RNF213: variants seen among roughly 807,000 people sequenced by gnomAD.
The protein encoded by RNF213 is E3 ubiquitin-protein ligase RNF213.
RNF213 carries 341 observed loss-of-function variants against 514.4 expected under a neutral mutation model. The observed-to-expected ratio is 0.66, with a 90% CI of 0.61 to 0.73. RNF213 has a LOEUF of 0.73. Among genes scored for constraint, RNF213 ranks in the 30% least tolerant of loss-of-function variants. RNF213 has a pLI of 0.00. For synonymous variants in RNF213, 2,655 were observed against 2,658.2 expected (o/e 1.00, Z 0.04); for missense variants, 5,767 against 6,615.6 (o/e 0.87, Z 4.45).
chr17:80,288,053 C>A lies in RNF213; in HGVS notation c.500C>A (p.Thr167Asn). Reference sequence around the variant, plus strand: ...GAGGGTGACGGCCTCTCCGCGCCCACCGAGGTTGGCGACAGCCCCCTGCAG... The same window carrying A: ...GAGGGTGACGGCCTCTCCGCGCCCAACGAGGTTGGCGACAGCCCCCTGCAG... ...PLEGDGLSAP[T>N]EVGDSPLQAQ... The change falls in exon 4 of 68, where the codon ACC becomes AAC. Residue 167 changes from threonine to asparagine, a missense_variant. Coordinates refer to ENST00000582970, the MANE Select transcript of RNF213 (RefSeq NM_001256071.3). This position sits in a 1 kb window ranked among gnomAD's most constrained non-coding sequence, Gnocchi z 4.9. 1 of 1,606,926 alleles carries A rather than the reference C, an allele frequency of 6.2e-7. No homozygotes were observed.
chr17:80,334,906 A>G (rs899527282), intron 22 of RNF213, among the ~76,000 whole-genome samples: 4 of 148,332 alleles, frequency 2.7e-5, no homozygotes, highest in African/African-American at 5.0e-5. Context: ...GATTACAGGC[A>G]TGAGCCACTG....
In RNF213 at chr17:80,380,765, G is replaced by A. The variant is rs200131626; in HGVS notation, c.13641-66G>A. The A allele has an allele frequency of 1.4e-4, 221 of 1,591,184 alleles. 1 individual carries two copies. Among genetic ancestry groups the A allele is most frequent in the Admixed American group, 5.8e-4 (35 of 59,986 alleles). On this transcript the variant is annotated intron_variant, in intron 55 of 67. Coordinates refer to ENST00000582970, the MANE Select transcript of RNF213 (RefSeq NM_001256071.3). ...AGCCGTAAGCCTCACTCCAAGTGCTGAGAAAGTGCAGCGTGCCAAAGCGGC... is the reference window on the plus strand; with the variant it reads ...AGCCGTAAGCCTCACTCCAAGTGCTAAGAAAGTGCAGCGTGCCAAAGCGGC...
chr17:80,285,406 G>A (rs1054416891), intron 3 of RNF213, among the ~76,000 whole-genome samples: 1 of 152,196 alleles, frequency 6.6e-6, no homozygotes, highest in Non-Finnish European at 1.5e-5. Flanking sequence ...GGGCAGGGAC[G>A]GCGTCATCGC....
rs114393774 is a variant in RNF213, at chr17:80,263,549, G to T, written c.-108-25G>T. The stretch of plus-strand genomic sequence containing the variant: ...TTTCCATTAACCAGGGGACCAGCTG[G>T]GCTGCTGTGATTTCACTTTCGCAGA... On this transcript the variant is annotated intron_variant, in intron 1 of 67. Transcript: ENST00000582970. The surrounding 1 kb of genome is among the most constrained non-coding windows in gnomAD (Gnocchi z 4.9). The T allele has an allele frequency of 2.0e-3, 1,529 of 780,712 alleles. 14 individuals are homozygous for T. In the African/African-American group the frequency reaches 0.023, roughly 12 times the overall value. 48.4% of individuals were successfully genotyped at this position (780,712 alleles called of 1,614,324 possible).
chr17:80,348,233 C>T lies in RNF213; in HGVS notation c.9898C>T (p.Leu3300Phe). Residue 3300 changes from leucine to phenylalanine, a missense_variant, in exon 29 of 68, where the codon CTT becomes TTT. Transcript: ENST00000582970. ...GAGGCACAACTCCTTTGCAGATTTC[C>T]TTCAGGCACACCTGCACACGGCAGA... ...RQRHNSFADF[L>F]QAHLHTADLE... 1.2e-6 allele frequency: 2 copies of T among 1,614,100 alleles called. No homozygotes were observed. Among genetic ancestry groups the T allele is most frequent in the South Asian group, 2.2e-5 (2 of 91,090 alleles).
chr17:80,381,910 A>G, intron 57 of RNF213, 183 bp downstream of exon 57: 4 of 651,350 alleles, frequency 6.1e-6, no homozygotes, highest in Non-Finnish European at 1.1e-5. Flanking sequence ...CTGGGGCTGG[A>G]AAAAGGAAGC....
intron 3 of RNF213, chr17:80,278,858 A>G (rs2044160433): frequency 6.5e-7 from 1 of 1,537,226 alleles, no homozygotes; most frequent in Non-Finnish European, 8.7e-7. Flanking sequence ...AGAAGGAAGC[A>G]GGATGCAGCC....
intron 11 of RNF213, among the ~76,000 whole-genome samples, 195 bp from the exon 12 acceptor site, chr17:80,306,057 T>C (rs1165842628): frequency 2.0e-5 from 3 of 152,030 alleles, no homozygotes. Context: ...TTCAAGCTCC[T>C]GGGCTCAAGT....
chr17:80,356,191 G>A lies in RNF213; in HGVS notation c.10862+1615G>A, dbSNP rs148121364. 9.9e-5 allele frequency among the ~76,000 whole-genome samples: 15 copies of A among 152,274 alleles called. No homozygotes were observed. In the East Asian group the frequency reaches 1.4e-3, roughly 14 times the overall value. ...TACTTTTGGTATTTTTAGTAGAGGC[G>A]AGATTTCACCATGTTGGCCAGGCTG... On this transcript the variant is annotated intron_variant, in intron 36 of 67. Transcript: ENST00000582970.
intron 3 of RNF213, among the ~76,000 whole-genome samples, chr17:80,283,874 C>T (rs189076605): frequency 3.8e-4 from 58 of 152,316 alleles, no homozygotes; most frequent in Admixed American, 1.8e-3. Flanking sequence ...TTATTTTCAA[C>T]TTTCATAATT....
chr17:80,353,506 C>T lies in RNF213; in HGVS notation c.10424-6C>T, dbSNP rs2078610301. The T allele has an allele frequency of 1.2e-6, 2 of 1,606,872 alleles. No individual in the cohort carries two copies. The highest frequency in any genetic ancestry group is 1.7e-6 in the Non-Finnish European group (2 of 1,176,510). On this transcript the variant is annotated splice_polypyrimidine_tract_variant and splice_region_variant and intron_variant, in intron 33 of 67. Transcript: ENST00000582970. The surrounding 1 kb of genome is among the most constrained non-coding windows in gnomAD (Gnocchi z 5.0). The stretch of plus-strand genomic sequence containing the variant: ...GGTAACGCAATCACGTTTGCTTCGA[C>T]TGCAGTGGGCTTGGAACACCGGGCG...
intron 59 of RNF213, 60 bp downstream of exon 59, chr17:80,383,988 G>C: frequency 6.2e-7 from 1 of 1,601,792 alleles, no homozygotes; most frequent in Non-Finnish European, 8.6e-7. Flanking sequence ...CAGCAGGCCT[G>C]AAGGCCCTGG....
chr17:80,352,272 TTTC>T (rs2144211676), intron 32 of RNF213: 1 of 196,726 alleles, frequency 5.1e-6, no homozygotes, highest in African/African-American at 2.3e-5. Context: ...TGCAATTAGA[TTTC>T]TTACCACTGA....
chr17:80,379,010 CA>C (rs572618890), intron 54 of RNF213, among the ~76,000 whole-genome samples: 2 of 151,984 alleles, frequency 1.3e-5, no homozygotes, highest in South Asian at 2.1e-4. Context: ...CCCGTCTCTA[CA>C]AAAAAACACA....
chr17:80,276,515 G>T (rs1449348268), intron 3 of RNF213, among the ~76,000 whole-genome samples: 1 of 152,150 alleles, frequency 6.6e-6, no homozygotes, highest in African/African-American at 2.4e-5. Context: ...ATTTTCTAGG[G>T]AATCTTGAAC....
intron 54 of RNF213, among the ~76,000 whole-genome samples, chr17:80,378,144 A>G (rs1263023453): frequency 6.6e-6 from 1 of 152,200 alleles, no homozygotes; most frequent in Non-Finnish European, 1.5e-5. Flanking sequence ...CCTAGGAAAG[A>G]AAATTGCTAC....
chr17:80,388,714 T>C (rs374248369), intron 64 of RNF213, 25 bp downstream of exon 64: 18 of 1,524,576 alleles, frequency 1.2e-5, no homozygotes, highest in African/African-American at 5.5e-5. Context: ...CCTGATCCTG[T>C]GCACGGGGCT....
Position 80,345,619 on chromosome 17 carries a change from G to C in RNF213, c.7284G>C (p.Arg2428Ser). ...IMGETGCGKT[R>S]LIKFLSDLRR... The stretch of plus-strand genomic sequence containing the variant: ...GAGAAACTGGCTGTGGGAAAACCAG[G>C]CTTATTAAATTCCTTAGCGACCTGC... The change falls in exon 29 of 68, where the codon AGG (arginine) becomes AGC (serine). Residue 2428 changes from arginine to serine, a missense_variant. By Grantham distance (110) the Arg-to-Ser change is moderately radical. Coordinates refer to ENST00000582970, the MANE Select transcript of RNF213 (RefSeq NM_001256071.3). This position sits in a 1 kb window ranked among gnomAD's most constrained non-coding sequence, Gnocchi z 6.0. The C allele has an allele frequency of 6.2e-7, 1 of 1,614,132 alleles. No homozygotes were observed. The highest frequency in any genetic ancestry group is 1.1e-5 in the South Asian group (1 of 91,080).
At position 80,274,087 on chromosome 17, in the gene RNF213, A is replaced by G. The variant is rs73442428; in HGVS notation, c.261+683A>G. On this transcript the variant is annotated intron_variant, in intron 3 of 67. Transcript: ENST00000582970. ...GGTGCCTTGCTGCTTCGGGGCAGGG[A>G]CCTGAGCGTCCGCTGGGTGCGTGTC... Among the ~76,000 whole-genome samples the G allele has an allele frequency of 9.3e-3, 1,412 of 151,868 alleles. 21 individuals carry two copies. The highest frequency in any genetic ancestry group is 0.031 in the African/African-American group (1,301 of 41,422).
Sources: allele counts gnomAD v4.1 joint callset (sites outside exome capture counted in the v4.1 genomes callset), GRCh38; gene constraint gnomAD v4.1.1; non-coding constraint Gnocchi (gnomAD v3.1); transcripts MANE v1.5; gene names NCBI Gene and HGNC (gene_info 2026-07-23, HGNC 2026-07-21).